Variants in IGSF1 observed in about 807,000 individuals in gnomAD.
IGSF1 encodes the protein immunoglobulin-like domain-containing protein 1.
Under a neutral mutation model 95.3 loss-of-function variants are expected in IGSF1, and 40 were observed. The ratio of observed to expected loss-of-function variants is 0.42; its 90% confidence interval spans 0.33 to 0.55. The LOEUF is 0.55. Ranked by LOEUF, IGSF1 falls within the 20% of genes least tolerant of loss-of-function variation. The pLI is 0.10. For missense variants in IGSF1, 906 were observed against 1,025.4 expected, an observed-to-expected ratio of 0.88 and a Z score of 1.59; for synonymous variants, 372 against 382.9, an observed-to-expected ratio of 0.97 and a Z score of 0.33.
intron 9 of IGSF1, 58 bp downstream of exon 9, chrX:131,281,160 G>T: frequency 1.7e-6 from 2 of 1,180,710 alleles, no homozygotes; most frequent in Admixed American, 2.2e-5. Context: ...ACTAGGGCAT[G>T]ACTCATTCTT....
At position 131,285,955 on chromosome X, in the gene IGSF1, A is replaced by G. The variant is rs749629305; in HGVS notation, c.191T>C (p.Ile64Thr). The G allele has an allele frequency of 1.7e-6, 2 of 1,211,385 alleles. No homozygotes were observed. The highest frequency in any genetic ancestry group is 2.2e-6 in the Non-Finnish European group (2 of 895,157). The change falls in exon 4 of 20, where the codon ATA (isoleucine) becomes ACA (threonine). Residue 64 changes from isoleucine to threonine, a missense_variant. Physicochemically the swap from Ile to Thr is moderately conservative, Grantham distance 89. This residue lies in a region of IGSF1 where 442 missense variants were observed against 448.1 expected (regional missense o/e 0.99). Coordinates refer to ENST00000361420, the MANE Select transcript of IGSF1 (RefSeq NM_001555.5). Reference protein sequence around the residue: ...ITLWCRSPSRISSKFLLLKDK... With the variant: ...ITLWCRSPSRTSSKFLLLKDK... ...CTTCAGCAGCAGGAACTTGCTTGAT[A>G]TCCGAGAGGGGCTTCGGCACCAAAG...
In IGSF1 at chrX:131,282,719, C is replaced by T; in HGVS notation, c.971G>A (p.Trp324Ter). ...IWVTDTFPKT[W>*]LLARPSAVVQ... is the part of the protein sequence containing the mutation. ...CACAGCACTGGGCCGAGCAAGTAGC[C>T]AGGTCTTGGGGAAAGTGTCTAGGAT... The change falls in exon 7 of 20, where the codon TGG (tryptophan) becomes TAG (stop). Residue 324 changes from tryptophan (W) to a stop codon, truncating the protein, a stop_gained. Coordinates refer to ENST00000361420, the MANE Select transcript of IGSF1 (RefSeq NM_001555.5). LOFTEE classifies it high-confidence loss of function. The T allele has an allele frequency of 1.7e-6, 2 of 1,206,721 alleles. No individual in the cohort carries two copies. The highest frequency in any genetic ancestry group is 2.2e-6 in the Non-Finnish European group (2 of 892,272).
Position 131,284,927 on chromosome X carries a change from C to T in IGSF1, c.667+252G>A, listed in dbSNP as rs758918858. 8 of 712,906 alleles carry T rather than the reference C, an allele frequency of 1.1e-5. No individual in the cohort carries two copies. The African/African-American group carries it at 1.3e-4, about 12-fold the overall frequency. The allele number at this position is 712,906 out of a possible 1,213,427, so 58.8% of individuals were successfully genotyped here. A position where few individuals can be genotyped will look rare whatever the true frequency, so the allele number is the denominator to read the frequency against. ...ATTCAACAAGTTGAGAACAACAAAGCTGTGATGAGCTGAAGCTGCTGGCCA... is the reference window on the plus strand; with the variant it reads ...ATTCAACAAGTTGAGAACAACAAAGTTGTGATGAGCTGAAGCTGCTGGCCA... On this transcript the variant is annotated intron_variant, in intron 5 of 19. Coordinates refer to ENST00000361420, the MANE Select transcript of IGSF1 (RefSeq NM_001555.5).
chrX:131,285,688 G>T lies in IGSF1; in HGVS notation c.379+79C>A, dbSNP rs559635393. On this transcript the variant is annotated intron_variant, in intron 4 of 19. Transcript: ENST00000361420. ...GTGGGATGCATGCTTGCATGCATTT[G>T]TGAAACAAACTCTCCCCTGGAAGGC... is the stretch of plus-strand genomic sequence containing the variant. 1.3e-4 allele frequency: 137 copies of T among 1,024,872 alleles called. 1 individual carries two copies. The South Asian group carries it at 2.9e-3, about 22-fold the overall frequency. The allele number at this position is 1,024,872 out of a possible 1,213,427, so 84.5% of individuals were successfully genotyped here. A position where few individuals can be genotyped will look rare whatever the true frequency, so the allele number is the denominator to read the frequency against.
In IGSF1 at chrX:131,282,986, C is replaced by A; in HGVS notation, c.946G>T (p.Val316Leu). Residue 316 changes from valine to leucine, a missense_variant, in exon 6 of 20, where the codon GTG becomes TTG. Val to Leu is a conservative substitution (Grantham distance 32). Transcript: ENST00000361420. ...SLLSDVLKIW[V>L]TDTFPKTWLL... is the part of the protein sequence containing the mutation. ...TGGCATACCCGTCTCTTACCAGTCA[C>A]CCAGATTTTCAGGACATCACTAAGG... The A allele has an allele frequency of 2.5e-6, 3 of 1,200,344 alleles. No homozygotes were observed. Among genetic ancestry groups the A allele is most frequent in the Middle Eastern group, 2.3e-4 (1 of 4,321 alleles).
chrX:131,275,168 C>A lies in IGSF1; in HGVS notation c.3303G>T (p.Glu1101Asp). 1.1e-5 allele frequency: 13 copies of A among 1,211,990 alleles called. No individual in the cohort carries two copies. The highest frequency in any genetic ancestry group is 1.5e-5 in the Non-Finnish European group (13 of 895,501). The change falls in exon 17 of 20, where the codon GAG becomes GAT. Residue 1101 changes from glutamate to aspartate, a missense_variant. Physicochemically the swap from Glu to Asp is conservative, Grantham distance 45. This residue lies in a region of IGSF1 where 411 missense variants were observed against 494.9 expected (regional missense o/e 0.83). Transcript: ENST00000361420. ...LPDSTFVLLK[E>D]GAQEPLEQQR... is the part of the protein sequence containing the mutation. Reference sequence around the variant, plus strand: ...GTTGCTCTAAAGGCTCCTGAGCCCCCTCCTTCAACAGGACAAATGTTGAGT... The same window carrying A: ...GTTGCTCTAAAGGCTCCTGAGCCCCATCCTTCAACAGGACAAATGTTGAGT...
chrX:131,273,974 T>C, intron 19 of IGSF1, 43 bp from the exon 20 acceptor site: 1 of 1,203,919 alleles, frequency 8.3e-7, no homozygotes, highest in Non-Finnish European at 1.1e-6. Flanking sequence ...ACCCAGAAAC[T>C]GAAAACAGAT....
intron 4 of IGSF1, 115 bp from the exon 5 acceptor site, chrX:131,285,581 C>G: frequency 1.2e-6 from 1 of 863,454 alleles, no homozygotes; most frequent in Non-Finnish European, 1.6e-6. Context: ...TGTTTGCCAC[C>G]CCTCCTTCTC....
Position 131,273,934 on chromosome X carries a change from A to T in IGSF1, c.3876-3T>A. On this transcript the variant is annotated splice_polypyrimidine_tract_variant and splice_region_variant and intron_variant, in intron 19 of 19. Coordinates refer to ENST00000361420, the MANE Select transcript of IGSF1 (RefSeq NM_001555.5). ...CTCTTCCGTCTGTCTCTGAGCCTCT[A>T]TGTAAAGAAAAAGACATGAGTAAGG... is the stretch of plus-strand genomic sequence containing the variant. The T allele has an allele frequency of 8.3e-7, 1 of 1,208,480 alleles. No individual in the cohort carries two copies. The highest frequency in any genetic ancestry group is 1.1e-6 in the Non-Finnish European group (1 of 893,911).
chrX:131,285,833 G>A lies in IGSF1; in HGVS notation c.313C>T (p.Arg105Trp), dbSNP rs763136637. 1.5e-5 allele frequency: 18 copies of A among 1,208,732 alleles called. No homozygotes were observed. The highest frequency in any genetic ancestry group is 2.2e-5 in the Admixed American group (1 of 45,768). The change falls in exon 4 of 20, where the codon CGG (arginine) becomes TGG (tryptophan). Residue 105 changes from arginine to tryptophan, a missense_variant. Coordinates refer to ENST00000361420, the MANE Select transcript of IGSF1 (RefSeq NM_001555.5). ...CCTGTCTCCTTCCAGTAGCAGCACC[G>A]GTAAAGACCTGCATTGGACTCAGTA... ...ALTESNAGLYRCCYWKETGWS... is the reference protein window; with the variant it reads ...ALTESNAGLYWCCYWKETGWS...
At chrX:131,279,905 A>T (rs1334926090) in intron 9 of IGSF1, among the ~76,000 whole-genome samples, 1 of 112,052 alleles carries the variant, frequency 8.9e-6, no homozygotes, top group East Asian at 2.8e-4. Context: ...AGCTTTTCAG[A>T]GAGTAGAAAC....
In IGSF1 at chrX:131,282,549, T is replaced by G. The variant is rs6637826; in HGVS notation, c.1141A>C (p.Asn381His). The G allele has an allele frequency of 2.7e-4, 330 of 1,207,831 alleles. 4 individuals carry two copies. The East Asian group carries it at 7.2e-3, about 26-fold the overall frequency. The change falls in exon 7 of 20, where the codon AAT becomes CAT. Residue 381 changes from asparagine to histidine, a missense_variant. Physicochemically the swap from Asn to His is moderately conservative, Grantham distance 68 (BLOSUM62 1). This residue lies in a region of IGSF1 where 442 missense variants were observed against 448.1 expected (regional missense o/e 0.99). Coordinates refer to ENST00000361420, the MANE Select transcript of IGSF1 (RefSeq NM_001555.5). ...IDDNTSFFLN[N>H]VTYSDTGIYS... ...ATGCCAGTATCACTGTAGGTTACAT[T>G]GTTGAGGAAGAATGATGTGTTGTCA...
rs781196045 is a variant in IGSF1, at chrX:131,274,582, A to G, written c.3751+17T>C. The G allele has an allele frequency of 2.5e-6, 3 of 1,199,591 alleles. No individual in the cohort carries two copies. The African/African-American group carries it at 5.3e-5, about 21-fold the overall frequency. On this transcript the variant is annotated intron_variant, in intron 18 of 19. Coordinates refer to ENST00000361420, the MANE Select transcript of IGSF1 (RefSeq NM_001555.5). ...CAGGTGTGTCACACCAGGACCATGG[A>G]GAGATTATTCTCTTACCTGCTGCCC...
chrX:131,282,626 T>G lies in IGSF1; in HGVS notation c.1064A>C (p.Tyr355Ser), dbSNP rs369062707. 1.7e-6 allele frequency: 2 copies of G among 1,208,568 alleles called. No individual in the cohort carries two copies. The highest frequency in any genetic ancestry group is 2.2e-6 in the Non-Finnish European group (2 of 894,216). ...AAGTGGTTTGTCTTCTCCTTTCTTA[T>G]AGAGTGCAAGACCCACTCCATCCAC... ...GPVDGVGLAL[Y>S]KKGEDKPLQF... Residue 355 changes from tyrosine to serine, a missense_variant, in exon 7 of 20, where the codon TAT becomes TCT. Coordinates refer to ENST00000361420, the MANE Select transcript of IGSF1 (RefSeq NM_001555.5).
In IGSF1 at chrX:131,286,427, A is replaced by G. The variant is rs377518025; in HGVS notation, c.97+10T>C. 138 of 1,187,297 alleles carry G rather than the reference A, an allele frequency of 1.2e-4. No homozygotes were observed. Among genetic ancestry groups the G allele is most frequent in the Non-Finnish European group, 1.5e-4 (131 of 875,116 alleles). Reference sequence around the variant, plus strand: ...GGAAGGAGGTGCCTGAGAGGGCAGGACTCACTTACCTATTGATGTCATACC... The same window carrying G: ...GGAAGGAGGTGCCTGAGAGGGCAGGGCTCACTTACCTATTGATGTCATACC... On this transcript the variant is annotated intron_variant, in intron 3 of 19. Coordinates refer to ENST00000361420, the MANE Select transcript of IGSF1 (RefSeq NM_001555.5).
chrX:131,286,385 G>A, intron 3 of IGSF1, 52 bp downstream of exon 3: 1 of 1,036,427 alleles, frequency 9.6e-7, no homozygotes, highest in Non-Finnish European at 1.4e-6. Flanking sequence ...AGACACGCCA[G>A]CATCTTGGAT....
intron 13 of IGSF1, among the ~76,000 whole-genome samples, 172 bp downstream of exon 13, chrX:131,277,684 G>A (rs922930683): frequency 1.8e-5 from 2 of 111,981 alleles, no homozygotes; most frequent in African/African-American, 3.2e-5. Context: ...TATTAATATC[G>A]TGCAGCCAGA....
chrX:131,289,309 C>A (rs759184156), upstream of IGSF1: 1 of 374,691 alleles, frequency 2.7e-6, no homozygotes, highest in Non-Finnish European at 5.2e-6. Context: ...CTAAGGACAG[C>A]CTCTTCGGCT....
chrX:131,278,889 C>T, intron 11 of IGSF1, 138 bp from the exon 12 acceptor site: 1 of 626,666 alleles, frequency 1.6e-6, no homozygotes, highest in Non-Finnish European at 2.5e-6. Context: ...TCTTTCCTTC[C>T]TTCCTCAGGT....
Sources: allele counts gnomAD v4.1 joint callset (sites outside exome capture counted in the v4.1 genomes callset), GRCh38; gene constraint gnomAD v4.1.1; regional missense constraint gnomAD v4.1.1; transcripts MANE v1.5; gene names NCBI Gene and HGNC (gene_info 2026-07-23, HGNC 2026-07-21).